The following EIF4E3 variants were observed in gnomAD, a reference collection of about 807,000 sequenced individuals.
EIF4E3 encodes the protein eukaryotic translation initiation factor 4E type 3.
Under a neutral mutation model 31.7 loss-of-function variants are expected in EIF4E3, and 26 were observed. That is an observed-to-expected ratio of 0.82 (90% CI 0.60 to 1.14). The LOEUF (loss-of-function observed/expected upper bound fraction) is 1.14. EIF4E3 is among the 50% of genes most tolerant of loss of function. EIF4E3 has a pLI of 0.00. For synonymous variants in EIF4E3, 128 were observed against 107.7 expected (o/e 1.19, Z -1.17); for missense variants, 304 against 270.9 (o/e 1.12, Z -0.86).
rs2048963079 is a variant in EIF4E3 at position 71,684,460 on chromosome 3, G to C, written c.*222C>G. On this transcript the variant is annotated 3_prime_UTR_variant, in exon 7 of 7. Coordinates refer to ENST00000425534, the MANE Select transcript of EIF4E3 (RefSeq NM_001134651.2). ...GAAAGCCAAAAAAAAAGTTTTTTGT[G>C]TGTGTTTTTTTTAAAAAGCAAGTAA... 2 of 377,318 alleles carry C rather than the reference G, an allele frequency of 5.3e-6. No individual in the cohort carries two copies. Among genetic ancestry groups the C allele is most frequent in the Non-Finnish European group, 9.4e-6 (2 of 213,442 alleles). The allele number at this position is 377,318 out of a possible 1,614,324, so 23.4% of individuals were successfully genotyped here.
chr3:71,730,254 C>G (rs2108133952), upstream of EIF4E3, among the ~76,000 whole-genome samples: 1 of 152,262 alleles, frequency 6.6e-6, no homozygotes, highest in East Asian at 1.9e-4. Context: ...GATCCCTGCT[C>G]TAACCAAGAT....
intron 1 of EIF4E3, among the ~76,000 whole-genome samples, chr3:71,717,088 A>T (rs2049476626): frequency 6.6e-6 from 1 of 152,214 alleles, no homozygotes; most frequent in African/African-American, 2.4e-5. Context: ...ATGCCTAGAG[A>T]TGCTTCTTAC....
chr3:71,741,631 G>C (rs939402166), intron 1 of EIF4E3, among the ~76,000 whole-genome samples: 2 of 152,098 alleles, frequency 1.3e-5, no homozygotes, highest in Admixed American at 1.3e-4. Flanking sequence ...AATTTAGTAA[G>C]AACATAAAAG....
chr3:71,702,125 C>T (rs1429041728), intron 2 of EIF4E3, among the ~76,000 whole-genome samples: 1 of 151,864 alleles, frequency 6.6e-6, no homozygotes, highest in East Asian at 1.9e-4. Context: ...CATCTTTCTC[C>T]AATCTTAGCA....
upstream of EIF4E3, among the ~76,000 whole-genome samples, chr3:71,726,942 A>C (rs2049646610): frequency 6.6e-6 from 1 of 152,196 alleles, no homozygotes; most frequent in South Asian, 2.1e-4. Flanking sequence ...TGAGCACTTT[A>C]CCCGTAATAA....
At chr3:71,725,433 C>T (rs2049622175), upstream of EIF4E3, 2 of 942,298 alleles carry the variant, frequency 2.1e-6, no homozygotes, top group South Asian at 4.8e-5. The surrounding 1 kb of genome is among the most constrained non-coding windows in gnomAD (Gnocchi z 6.1). Flanking sequence ...CTGAGTCACC[C>T]CCGGCCCCCG....
chr3:71,666,118 A>G, the EIF4E3 span, among the ~76,000 whole-genome samples: 4 of 152,212 alleles, frequency 2.6e-5, no homozygotes, highest in Non-Finnish European at 2.9e-5. Context: ...AAGGAGACAG[A>G]GACATGAAAA....
the EIF4E3 span, among the ~76,000 whole-genome samples, chr3:71,670,128 A>G: frequency 1.3e-5 from 2 of 152,172 alleles, no homozygotes; most frequent in African/African-American, 4.8e-5. Context: ...GTGGGTTTCT[A>G]AACTGTCGAA....
chr3:71,724,409 A>G (rs1185063525), intron 1 of EIF4E3, among the ~76,000 whole-genome samples: 1 of 152,240 alleles, frequency 6.6e-6, no homozygotes, highest in Non-Finnish European at 1.5e-5. Context: ...ATCCAGCTGC[A>G]TTAAGCATTA....
chr3:71,686,083 T>C (rs911465575), intron 6 of EIF4E3, among the ~76,000 whole-genome samples: 2 of 152,152 alleles, frequency 1.3e-5, no homozygotes, highest in African/African-American at 4.8e-5. Flanking sequence ...CTTCCCGGGC[T>C]CAAGCAATCC....
downstream of EIF4E3, among the ~76,000 whole-genome samples, chr3:71,672,785 CTTTT>C (rs528241219): frequency 2.0e-5 from 3 of 147,870 alleles, no homozygotes; most frequent in African/African-American, 7.4e-5. Context: ...CATCTTTTTT[CTTTT>C]TTTTTTTAAA....
At chr3:71,685,129 A>G (rs1174458555) in intron 6 of EIF4E3, among the ~76,000 whole-genome samples, 4 of 152,140 alleles carry the variant, frequency 2.6e-5, no homozygotes, top group Non-Finnish European at 5.9e-5. Context: ...GCCGCTTACA[A>G]GCCTATCTTT....
Position 71,679,416 on chromosome 3 carries a change from T to A in EIF4E3, c.*5266A>T, listed in dbSNP as rs1488166220. 6.6e-6 allele frequency: 1 copy of A among 152,194 alleles called. No homozygotes were observed. The highest frequency in any genetic ancestry group is 2.4e-5 in the African/African-American group (1 of 41,462). 9.4% of individuals were successfully genotyped at this position (152,194 alleles called of 1,614,324 possible). A position where few individuals can be genotyped will look rare whatever the true frequency, so the allele number is the denominator to read the frequency against. ...AGAAATTGAAATTTTCATAAAGAAA[T>A]CTTGCATTTCACTAAATGAGTTGGT... is the stretch of plus-strand genomic sequence containing the variant. On this transcript the variant is annotated 3_prime_UTR_variant, in exon 7 of 7. Coordinates refer to ENST00000425534, the MANE Select transcript of EIF4E3 (RefSeq NM_001134651.2).
intron 1 of EIF4E3, among the ~76,000 whole-genome samples, chr3:71,747,077 C>T (rs1038247591): frequency 2.0e-5 from 3 of 152,116 alleles, no homozygotes; most frequent in East Asian, 1.9e-4. Flanking sequence ...TTAGGAATGA[C>T]GATGTTATGA....
chr3:71,702,366 C>G (rs1332012076), intron 2 of EIF4E3, among the ~76,000 whole-genome samples: 1 of 152,168 alleles, frequency 6.6e-6, no homozygotes, highest in African/African-American at 2.4e-5. Context: ...AACTTCAAGT[C>G]TCCTCAAAGG....
chr3:71,738,796 G>T (rs2049790448), intron 1 of EIF4E3, among the ~76,000 whole-genome samples: 1 of 151,650 alleles, frequency 6.6e-6, no homozygotes, highest in Admixed American at 6.6e-5. Flanking sequence ...CAACAAATCA[G>T]ACAGCAGGAT....
At chr3:71,750,314 T>C (rs930431811) in intron 1 of EIF4E3, among the ~76,000 whole-genome samples, 1 of 152,192 alleles carries the variant, frequency 6.6e-6, no homozygotes, top group Non-Finnish European at 1.5e-5. Context: ...GTTAAGTGAC[T>C]TGTCGAACAC....
At chr3:71,672,952 T>G (rs945898950), downstream of EIF4E3, among the ~76,000 whole-genome samples, 1 of 152,166 alleles carries the variant, frequency 6.6e-6, no homozygotes, top group African/African-American at 2.4e-5. Context: ...GTGGAAGGAT[T>G]TGACCTCTCT....
chr3:71,716,468 C>T (rs1342716283), intron 1 of EIF4E3, among the ~76,000 whole-genome samples: 1 of 152,100 alleles, frequency 6.6e-6, no homozygotes, highest in African/African-American at 2.4e-5. Context: ...CTCCTGACCT[C>T]GTGATCCACC....
Sources: gnomAD v4.1 joint callset for allele counts (sites outside exome capture counted in the v4.1 genomes callset) on GRCh38, gnomAD v4.1.1 for gene constraint, Gnocchi (gnomAD v3.1) non-coding constraint, MANE v1.5 for transcripts, NCBI Gene and HGNC (gene_info 2026-07-23, HGNC 2026-07-21) for gene names.